Variants in CHD6 observed in about 807,000 individuals in gnomAD.
The protein encoded by CHD6 is chromodomain helicase DNA binding protein 6.
A neutral mutation model predicts 276.9 loss-of-function variants in CHD6; 50 were observed. The ratio of observed to expected loss-of-function variants is 0.18; its 90% CI spans 0.14 to 0.23. The LOEUF (loss-of-function observed/expected upper bound fraction) is 0.23, where lower values mean the gene tolerates loss of function less well. Ranked by LOEUF, CHD6 falls within the 10% of genes least tolerant of loss-of-function variation. The probability of loss-of-function intolerance (pLI) is 1.00; values close to 1 mark genes in which losing one functional copy is unlikely to be tolerated. For synonymous variants in CHD6, 1,173 were observed against 1,229.3 expected, an observed-to-expected ratio of 0.95 and a Z score of 0.96; for missense variants, 2,564 against 3,365.8, an observed-to-expected ratio of 0.76 and a Z score of 5.89.
At chr20:41,408,471 AGGCTAAAAGGATAATTTCTC>A (rs1245305557) in intron 36 of CHD6, among the ~76,000 whole-genome samples, 2 of 152,180 alleles carry the variant, frequency 1.3e-5, no homozygotes, top group African/African-American at 4.8e-5. Context: ...GGTCGGGGCC[AGGCTAAAAGGATAATTTCTC>A]ACCAGTCTGT....
chr20:41,565,018 G>C (rs1328452730), intron 1 of CHD6, among the ~76,000 whole-genome samples: 2 of 152,080 alleles, frequency 1.3e-5, no homozygotes, highest in Non-Finnish European at 2.9e-5. Flanking sequence ...GTCATACCCA[G>C]GTAGAAGTAA....
At chr20:41,443,658 G>A (rs932934096) in intron 25 of CHD6, among the ~76,000 whole-genome samples, 2 of 152,082 alleles carry the variant, frequency 1.3e-5, no homozygotes, top group East Asian at 1.9e-4. Flanking sequence ...TCTCTTTCAT[G>A]TCTTCATCTT....
At chr20:41,451,369 CAT>C (rs1228495129) in intron 22 of CHD6, among the ~76,000 whole-genome samples, 2 of 152,216 alleles carry the variant, frequency 1.3e-5, no homozygotes, top group African/African-American at 4.8e-5. Flanking sequence ...AAAGGTGTAA[CAT>C]AACCTGTGCC....
At chr20:41,571,020 C>T (rs2045410263) in intron 1 of CHD6, among the ~76,000 whole-genome samples, 1 of 151,444 alleles carries the variant, frequency 6.6e-6, no homozygotes, top group Non-Finnish European at 1.5e-5. Context: ...AAGCTACACA[C>T]TGAGTCTCTC....
chr20:41,533,388 A>G lies in CHD6; in HGVS notation c.216T>C (p.Phe72=). The G allele has an allele frequency of 6.2e-7, 1 of 1,613,986 alleles. No individual in the cohort carries two copies. The highest frequency in any genetic ancestry group is 8.5e-7 in the Non-Finnish European group (1 of 1,179,978). ...YTAEEEAATL[F]PRKMTSHNGM... ...CATTATGGGATGTCATTTTCCTAGG[A>G]AAAAGGGTAGCAGCTTCCTCTTCAG... The change falls in exon 3 of 37, where the codon TTT becomes TTC. Residue 72 remains phenylalanine (F), a synonymous_variant. Coordinates refer to ENST00000373233, the MANE Select transcript of CHD6 (RefSeq NM_032221.5).
chr20:41,487,373 G>A (rs752850828), intron 14 of CHD6, among the ~76,000 whole-genome samples: 75 of 152,284 alleles, frequency 4.9e-4, no homozygotes, highest in African/African-American at 1.6e-3. Flanking sequence ...CAAAATCAGC[G>A]AACGCACAAT....
intron 3 of CHD6, among the ~76,000 whole-genome samples, chr20:41,532,077 G>A (rs531127425): frequency 1.3e-5 from 2 of 152,236 alleles, no homozygotes; most frequent in East Asian, 3.9e-4. Flanking sequence ...TCTCCACAAG[G>A]AATTTAGAAA....
At chr20:41,485,580 G>A (rs1420428966) in intron 14 of CHD6, 1 of 151,898 alleles carries the variant, frequency 6.6e-6, no homozygotes, top group East Asian at 1.9e-4. Context: ...AGACAATGAT[G>A]AACATGCTTT....
intron 5 of CHD6, among the ~76,000 whole-genome samples, chr20:41,504,077 C>CAAAAAAAAAA (rs1189323419): frequency 0.013 from 348 of 27,090 alleles, 35 homozygotes; most frequent in Non-Finnish European, 0.017. Flanking sequence ...GACTCTGTCT[C>CAAAAAAAAAA]AAAAAAAAAA....
intron 28 of CHD6, 91 bp from the exon 29 acceptor site, chr20:41,425,485 G>A (rs1361800758): frequency 7.9e-7 from 1 of 1,259,558 alleles, no homozygotes; most frequent in East Asian, 2.6e-5. Flanking sequence ...AAACAAAGCT[G>A]ACTCAATAAT....
intron 1 of CHD6, among the ~76,000 whole-genome samples, chr20:41,599,563 C>A (rs1419876523): frequency 1.3e-5 from 2 of 152,052 alleles, no homozygotes; most frequent in East Asian, 3.9e-4. Context: ...CTCGATTCTC[C>A]CCCTCCCTAC....
chr20:41,407,982 C>T (rs937509394), intron 36 of CHD6, among the ~76,000 whole-genome samples: 5 of 152,036 alleles, frequency 3.3e-5, no homozygotes, highest in African/African-American at 1.2e-4. Flanking sequence ...TGTGTGAAAA[C>T]GTGCATATCT....
In CHD6 at chr20:41,402,678, A is replaced by G. The variant is rs2046566854; in HGVS notation, c.*1915T>C. The G allele has an allele frequency of 4.6e-6, 1 of 216,236 alleles. No individual in the cohort carries two copies. The highest frequency in any genetic ancestry group is 2.3e-5 in the African/African-American group (1 of 44,390). The allele number at this position is 216,236 out of a possible 1,614,324, so 13.4% of individuals were successfully genotyped here. On this transcript the variant is annotated 3_prime_UTR_variant, in exon 37 of 37. Transcript: ENST00000373233. ...TTGATAAAAAGAAAATTAGTACTTA[A>G]AAGGTTCAAAAATATATTGATTGAG...
intron 2 of CHD6, among the ~76,000 whole-genome samples, chr20:41,551,044 G>A (rs1301292138): frequency 6.6e-6 from 1 of 152,188 alleles, no homozygotes; most frequent in Admixed American, 6.5e-5. Context: ...GGGAGGAAAT[G>A]TTTCTCTTCT....
chr20:41,427,509 A>G (rs867413500), intron 27 of CHD6, among the ~76,000 whole-genome samples: 10 of 152,238 alleles, frequency 6.6e-5, no homozygotes, highest in African/African-American at 2.4e-4. Context: ...AACTTGCCCA[A>G]GGTCACACAG....
chr20:41,575,844 T>C (rs993566192), intron 1 of CHD6, among the ~76,000 whole-genome samples: 1 of 152,216 alleles, frequency 6.6e-6, no homozygotes, highest in Non-Finnish European at 1.5e-5. Context: ...CAACTCTTTT[T>C]CAACTATAAA....
At chr20:41,555,828 C>T (rs2045225164) in intron 1 of CHD6, among the ~76,000 whole-genome samples, 1 of 152,074 alleles carries the variant, frequency 6.6e-6, no homozygotes, top group Non-Finnish European at 1.5e-5. Context: ...GGCAGAGACG[C>T]TCCTCACTTC....
intron 1 of CHD6, among the ~76,000 whole-genome samples, chr20:41,588,446 C>T (rs546508373): frequency 7.6e-4 from 115 of 152,246 alleles, no homozygotes; most frequent in Non-Finnish European, 6.9e-4. Flanking sequence ...ATAAGCCCAT[C>T]AGCCCAAGCA....
At chr20:41,492,544 G>GT (rs1014999204) in intron 10 of CHD6, among the ~76,000 whole-genome samples, 9 of 152,146 alleles carry the variant, frequency 5.9e-5, no homozygotes, top group African/African-American at 2.2e-4. Context: ...AAATGGCAAT[G>GT]TTTTTTTAAA....
Sources: gnomAD v4.1 joint callset for allele counts (sites outside exome capture counted in the v4.1 genomes callset) on GRCh38, gnomAD v4.1.1 for gene constraint, MANE v1.5 for transcripts, NCBI Gene and HGNC (gene_info 2026-07-23, HGNC 2026-07-21) for gene names.